The following DNAH10 variants were observed in gnomAD, a reference collection of about 807,000 sequenced individuals.
DNAH10 encodes the protein dynein axonemal heavy chain 10, also known as axonemal beta dynein heavy chain 10.
A neutral mutation model predicts 506.6 loss-of-function variants in DNAH10; 348 were observed. That is an observed-to-expected ratio of 0.69 (90% CI 0.63 to 0.75). The LOEUF (loss-of-function observed/expected upper bound fraction) is 0.75, where lower values mean the gene tolerates loss of function less well. DNAH10 is among the 30% of genes least tolerant of loss of function. DNAH10 has a pLI of 0.00. For synonymous variants in DNAH10, 2,059 were observed against 2,198.6 expected, an observed-to-expected ratio of 0.94 and a Z score of 1.78; for missense variants, 5,179 against 5,787.1, an observed-to-expected ratio of 0.89 and a Z score of 3.41.
At chr12:123,874,582 TCCATCCATCCATCCATCCATCTAC>T (rs1395069762) in intron 46 of DNAH10, among the ~76,000 whole-genome samples, 3 of 146,184 alleles carry the variant, frequency 2.1e-5, no homozygotes, top group African/African-American at 7.6e-5. Flanking sequence ...CATCCACCCA[TCCATCCATCCATCCATCCATCTAC>T]CCATCCATCC....
At chr12:123,868,198 A>G (rs1346540947) in intron 43 of DNAH10, 79 bp downstream of exon 43, 8 of 1,265,582 alleles carry the variant, frequency 6.3e-6, no homozygotes, top group Non-Finnish European at 8.8e-6. Flanking sequence ...GAGCTTTTCC[A>G]TATTTCTGTC....
At chr12:123,910,726 C>T in intron 59 of DNAH10, 54 bp downstream of exon 59, 1 of 1,595,150 alleles carries the variant, frequency 6.3e-7, no homozygotes, top group Non-Finnish European at 8.5e-7. Flanking sequence ...CATTCAGAGT[C>T]AGAATTCACA....
At chr12:123,892,688 T>G (rs11057387) in intron 52 of DNAH10, among the ~76,000 whole-genome samples, 79 of 152,222 alleles carry the variant, frequency 5.2e-4, no homozygotes, top group South Asian at 1.4e-3. Flanking sequence ...ATTGCATAAT[T>G]TGAAACGGCG....
chr12:123,763,242 C>G (rs1188308118), intron 1 of DNAH10, among the ~76,000 whole-genome samples: 1 of 152,222 alleles, frequency 6.6e-6, no homozygotes, highest in Admixed American at 6.5e-5. Flanking sequence ...GCCCCACCTA[C>G]TCTCTGATAG....
Position 123,853,400 on chromosome 12 carries a change from A to C in DNAH10, c.6438+48A>C. 1 of 1,583,262 alleles carries C rather than the reference A, an allele frequency of 6.3e-7. No individual in the cohort carries two copies. Among genetic ancestry groups the C allele is most frequent in the Non-Finnish European group, 8.6e-7 (1 of 1,164,050 alleles). On this transcript the variant is annotated intron_variant, in intron 36 of 78. Transcript: ENST00000673944. The surrounding 1 kb of genome is among the most constrained non-coding windows in gnomAD (Gnocchi z 4.7). The stretch of plus-strand genomic sequence containing the variant: ...TTCTCTGGTTTCAGCTGCTTCAGGC[A>C]TTTACTACGTGCCATTGGGGAGGTG...
intron 54 of DNAH10, among the ~76,000 whole-genome samples, chr12:123,895,109 A>T (rs1426597597): frequency 6.6e-6 from 1 of 152,242 alleles, no homozygotes; most frequent in African/African-American, 2.4e-5. Flanking sequence ...AATAATTGCA[A>T]CAGAGACCGT....
In DNAH10 at chr12:123,875,328, G is replaced by A. The variant is rs759203664; in HGVS notation, c.8036G>A (p.Ser2679Asn). 2 of 1,613,884 alleles carry A rather than the reference G, an allele frequency of 1.2e-6. No homozygotes were observed. Among genetic ancestry groups the A allele is most frequent in the Middle Eastern group, 1.6e-4 (1 of 6,062 alleles). ...CGTGGGAAGGAGCTGAACTGTAAAA[G>A]CATTCGAGACCTTGGCTTTATTGCT... Reference protein sequence around the residue: ...YDRGKELNCKSIRDLGFIAAM... With the variant: ...YDRGKELNCKNIRDLGFIAAM... Residue 2679 changes from serine to asparagine, a missense_variant, in exon 47 of 79, where the codon AGC (serine) becomes AAC (asparagine). Physicochemically the swap from Ser to Asn is conservative, Grantham distance 46. Coordinates refer to ENST00000673944, the MANE Select transcript of DNAH10 (RefSeq NM_001372106.1).
rs1404736702 is a variant in DNAH10 at position 123,929,300 on chromosome 12, T to C, written c.12332T>C (p.Leu4111Pro). The change falls in exon 71 of 79, where the codon CTG becomes CCG. Residue 4111 changes from leucine to proline, a missense_variant. Around this residue, in one of 3 missense-constraint regions of DNAH10, gnomAD observed 4,844 missense variants for 5,430.5 expected, o/e 0.89. Transcript: ENST00000673944. ...LKVVTEPPNG[L>P]KLNMRATYFK... ...GTTGTCACCGAGCCACCCAATGGGC[T>C]GAAACTCAACATGAGGGCAACTTAC... is the stretch of plus-strand genomic sequence containing the variant. 6.2e-7 allele frequency: 1 copy of C among 1,601,246 alleles called. No homozygotes were observed. The highest frequency in any genetic ancestry group is 1.1e-5 in the South Asian group (1 of 88,362).
intron 57 of DNAH10, among the ~76,000 whole-genome samples, chr12:123,906,885 C>G (rs1953808106): frequency 6.6e-6 from 1 of 152,190 alleles, no homozygotes; most frequent in South Asian, 2.1e-4. Flanking sequence ...AATGTTAAGG[C>G]AGGAAGATGA....
At chr12:123,781,696 C>T (rs141246424) in intron 6 of DNAH10, among the ~76,000 whole-genome samples, 5,493 of 152,200 alleles carry the variant, frequency 0.036, 311 homozygotes, top group African/African-American at 0.12. Flanking sequence ...AAACTCCTGA[C>T]TTCAAGTGAT....
intron 41 of DNAH10, among the ~76,000 whole-genome samples, 156 bp downstream of exon 41, chr12:123,866,229 CTTTTTTTTTTTTTT>C (rs71088963): frequency 0.072 from 4,169 of 58,294 alleles, 117 homozygotes; most frequent in Middle Eastern, 0.15. Flanking sequence ...GGCAGACACA[CTTTTTTTTTTTTTT>C]TTTTTTTTTT....
At chr12:123,863,065 G>GA (rs1417146460) in intron 39 of DNAH10, among the ~76,000 whole-genome samples, 1 of 151,686 alleles carries the variant, frequency 6.6e-6, no homozygotes, top group Non-Finnish European at 1.5e-5. Context: ...AAGCTAAAAG[G>GA]AAAAAAATAC....
chr12:123,782,577 A>C (rs1160919132), intron 6 of DNAH10, among the ~76,000 whole-genome samples: 1 of 151,254 alleles, frequency 6.6e-6, no homozygotes, highest in South Asian at 2.1e-4. Context: ...ATGCCTAGCT[A>C]ATTTTTGTAT....
Position 123,774,062 on chromosome 12 carries a change from AAGG to A in DNAH10, c.506-84_506-82del, listed in dbSNP as rs139558337. On this transcript the variant is annotated intron_variant, in intron 4 of 78. Coordinates refer to ENST00000673944, the MANE Select transcript of DNAH10 (RefSeq NM_001372106.1). ...ACATTCCTTGTAGCAGCTTGGGAAG[AAGG>A]AGAAGATTCCTGTTCTCTTGGAAAT... 3,234 of 838,300 alleles carry A rather than the reference AAGG, an allele frequency of 3.9e-3. 62 individuals carry two copies. In the African/African-American group the frequency reaches 0.048, roughly 12 times the overall value. 51.9% of individuals were successfully genotyped at this position (838,300 alleles called of 1,614,324 possible).
Position 123,928,861 on chromosome 12 carries a change from C to A in DNAH10, c.12306+274C>A, listed in dbSNP as rs545504030. Reference sequence around the variant, plus strand: ...TACTTTTCATAAACTTCACGGCCCCCCCCCCCACACACAGCCTGCAGTTCG... The same window carrying A: ...TACTTTTCATAAACTTCACGGCCCCACCCCCCACACACAGCCTGCAGTTCG... On this transcript the variant is annotated intron_variant, in intron 70 of 78. Coordinates refer to ENST00000673944, the MANE Select transcript of DNAH10 (RefSeq NM_001372106.1). This position sits in a 1 kb window ranked among gnomAD's most constrained non-coding sequence, Gnocchi z 4.9. The A allele has an allele frequency of 1.5e-5, 7 of 465,898 alleles. No individual in the cohort carries two copies. Among genetic ancestry groups the A allele is most frequent in the Admixed American group, 4.1e-5 (1 of 24,384 alleles). The allele number at this position is 465,898 out of a possible 1,614,324, so 28.9% of individuals were successfully genotyped here.
At chr12:123,863,585 C>T (rs1951689126) in intron 39 of DNAH10, among the ~76,000 whole-genome samples, 2 of 152,242 alleles carry the variant, frequency 1.3e-5, no homozygotes. Context: ...TGGCTTGTGA[C>T]CACATCATTT....
intron 32 of DNAH10, 27 bp from the exon 33 acceptor site, chr12:123,847,934 A>G: frequency 6.6e-7 from 1 of 1,518,874 alleles, no homozygotes; most frequent in South Asian, 1.1e-5. Context: ...ACCAGAAAAC[A>G]TATGTTTTGC....
Position 123,934,737 on chromosome 12 carries a change from C to G in DNAH10, c.13594C>G (p.Pro4532Ala). 2 of 1,613,874 alleles carry G rather than the reference C, an allele frequency of 1.2e-6. No homozygotes were observed. The highest frequency in any genetic ancestry group is 1.7e-6 in the Non-Finnish European group (2 of 1,179,882). Residue 4532 changes from proline (P) to alanine (A), a missense_variant, in exon 78 of 79, where the codon CCC (proline) becomes GCC (alanine). Transcript: ENST00000673944. ...VVDLPILKII[P>A]IEAHRLKLQN... ...GGACCTGCCGATCCTGAAGATCATC[C>G]CCATTGAAGCCCATCGCCTCAAGCT...
chr12:123,918,611 C>T (rs1954590462), intron 64 of DNAH10, 65 bp from the exon 65 acceptor site: 1 of 1,506,592 alleles, frequency 6.6e-7, no homozygotes. Flanking sequence ...TGTCCCCCTG[C>T]CCCTCCTGCC....
Sources: allele counts gnomAD v4.1 joint callset (sites outside exome capture counted in the v4.1 genomes callset), GRCh38; gene constraint gnomAD v4.1.1; regional missense constraint gnomAD v4.1.1; non-coding constraint Gnocchi (gnomAD v3.1); transcripts MANE v1.5; gene names NCBI Gene and HGNC (gene_info 2026-07-23, HGNC 2026-07-21).